KRCC1: variants seen among roughly 807,000 people sequenced by gnomAD.
KRCC1 encodes the protein lysine rich coiled-coil 1, also known as lysine-rich coiled-coil protein 1.
Under a neutral mutation model 7.4 loss-of-function variants are expected in KRCC1, and 3 were observed. The observed-to-expected ratio is 0.40, with a 90% CI of 0.18 to 1.04. The LOEUF (loss-of-function observed/expected upper bound fraction) is 1.04, where lower values mean the gene tolerates loss of function less well. Ranked by LOEUF, KRCC1 falls within the 50% of genes least tolerant of loss-of-function variation. The pLI is 0.33. For missense variants in KRCC1, 277 were observed against 300.9 expected (o/e 0.92, Z 0.59); for synonymous variants, 102 against 101.6 (o/e 1.00, Z -0.02).
chr2:88,028,437 T>C lies in KRCC1; in HGVS notation c.127A>G (p.Thr43Ala), dbSNP rs544035463. The C allele has an allele frequency of 1.1e-5, 18 of 1,614,178 alleles. No homozygotes were observed. The African/African-American group carries it at 2.1e-4, about 19-fold the overall frequency. The change falls in exon 4 of 4, where the codon ACC (threonine) becomes GCC (alanine). Residue 43 changes from threonine to alanine, a missense_variant. Physicochemically the swap from Thr to Ala is moderately conservative, Grantham distance 58. Transcript: ENST00000347055. ...FRKMKGDYLE[T>A]CGYKGEVNSR... ...TTAACCTCTCCTTTGTACCCACAGG[T>C]TTCCAAATAGTCCCCTTTCATCTTT... is the stretch of plus-strand genomic sequence containing the variant.
intron 1 of KRCC1, among the ~76,000 whole-genome samples, chr2:88,039,076 A>G (rs1260487547): frequency 1.3e-5 from 2 of 152,098 alleles, no homozygotes; most frequent in East Asian, 1.9e-4. Context: ...GTGTTAGCTC[A>G]GTATCCACAG....
At chr2:88,046,275 C>A (rs935408334) in intron 1 of KRCC1, among the ~76,000 whole-genome samples, 1 of 152,178 alleles carries the variant, frequency 6.6e-6, no homozygotes, top group African/African-American at 2.4e-5. Flanking sequence ...TAACCCTGGT[C>A]AAGCTTCTTA....
Position 88,027,864 on chromosome 2 carries a change from G to A in KRCC1, c.700C>T (p.Arg234Cys), listed in dbSNP as rs757781692. 9 of 1,611,062 alleles carry A rather than the reference G, an allele frequency of 5.6e-6. No individual in the cohort carries two copies. The Admixed American group carries it at 6.7e-5, about 12-fold the overall frequency. The change falls in exon 4 of 4, where the codon CGT (arginine) becomes TGT (cysteine). Residue 234 changes from arginine (R) to cysteine (C), a missense_variant. By Grantham distance (180) the Arg-to-Cys change is radical (BLOSUM62 -3). Coordinates refer to ENST00000347055, the MANE Select transcript of KRCC1 (RefSeq NM_016618.3). ...DVVSKKEERKRTKKKKEQGQE... is the reference protein window; with the variant it reads ...DVVSKKEERKCTKKKKEQGQE... ...CCTTGTTCCTTTTTCTTTTTTGTAC[G>A]CTTACGTTCCTCTTTCTTAGAGACT...
At position 88,041,718 on chromosome 2, in the gene KRCC1, C is replaced by T. The variant is rs762945124; in HGVS notation, c.-290-4667G>A. Among the ~76,000 whole-genome samples the T allele has an allele frequency of 1.1e-4, 17 of 152,210 alleles. No homozygotes were observed. The Middle Eastern group carries it at 9.6e-3, about 86-fold the overall frequency. On this transcript the variant is annotated intron_variant, in intron 1 of 3. Coordinates refer to ENST00000347055, the MANE Select transcript of KRCC1 (RefSeq NM_016618.3). ...AAATTTTGACATCACCTCTCTTTCA[C>T]TTGCATAGTGATTACTATATATTTA...
At chr2:88,037,718 T>C (rs551588113) in intron 1 of KRCC1, among the ~76,000 whole-genome samples, 12 of 152,306 alleles carry the variant, frequency 7.9e-5, no homozygotes, top group African/African-American at 2.9e-4. Context: ...CCACAGACTA[T>C]CTTAACCTGT....
At chr2:88,043,764 G>T (rs1673267242) in intron 1 of KRCC1, among the ~76,000 whole-genome samples, 1 of 152,156 alleles carries the variant, frequency 6.6e-6, no homozygotes, top group Admixed American at 6.6e-5. Context: ...CTGCCTCCCG[G>T]GTTCAAGCGG....
intron 1 of KRCC1, among the ~76,000 whole-genome samples, chr2:88,054,361 C>T (rs1673565622): frequency 6.6e-6 from 1 of 152,160 alleles, no homozygotes; most frequent in Non-Finnish European, 1.5e-5. Context: ...CCCTGACTTC[C>T]CTTTTAAAAG....
intron 2 of KRCC1, among the ~76,000 whole-genome samples, chr2:88,034,893 T>A (rs894809717): frequency 6.6e-6 from 1 of 152,156 alleles, no homozygotes; most frequent in African/African-American, 2.4e-5. Context: ...ATAAGTGAGA[T>A]CATATGGTAT....
Position 88,028,492 on chromosome 2 carries a change from G to A in KRCC1, c.72C>T (p.Ala24=), listed in dbSNP as rs766186403. The change falls in exon 4 of 4, where the codon GCC becomes GCT. Residue 24 remains alanine (A), a synonymous_variant. Transcript: ENST00000347055. ...AACAAGTCTTTGGCTCTAAGCCTCT[G>A]GCTTTCTGTACTTTAATATAATCTT... ...ELEDYIKVQK[A]RGLEPKTCFR... is the part of the protein sequence containing the mutation. The A allele has an allele frequency of 1.2e-5, 19 of 1,613,426 alleles. No homozygotes were observed. The East Asian group carries it at 2.0e-4, about 17-fold the overall frequency.
intron 3 of KRCC1, among the ~76,000 whole-genome samples, chr2:88,030,742 AG>A (rs1672976359): frequency 6.6e-6 from 1 of 152,232 alleles, no homozygotes; most frequent in African/African-American, 2.4e-5. Context: ...CAGTTTCTTA[AG>A]AAGTTAAACA....
intron 2 of KRCC1, among the ~76,000 whole-genome samples, chr2:88,034,846 T>G (rs1395298650): frequency 6.6e-6 from 1 of 152,132 alleles, no homozygotes; most frequent in Admixed American, 6.5e-5. Flanking sequence ...TAACCACCAT[T>G]CTACTCTCTA....
chr2:88,028,067 T>G lies in KRCC1; in HGVS notation c.497A>C (p.Glu166Ala). Residue 166 changes from glutamate to alanine, a missense_variant, in exon 4 of 4, where the codon GAA becomes GCA. By Grantham distance (107) the Glu-to-Ala change is moderately radical. Coordinates refer to ENST00000347055, the MANE Select transcript of KRCC1 (RefSeq NM_016618.3). ...CTCCTCCTCTGATTTTTCTCTGCCT[T>G]CCTCTGGGTGCCTTTTCCTCTTCTG... The part of the protein sequence containing the change: ...IHQKRKRHPE[E>A]GREKSEEERS... The G allele has an allele frequency of 6.8e-6, 11 of 1,614,206 alleles. No homozygotes were observed. The highest frequency in any genetic ancestry group is 7.6e-6 in the Non-Finnish European group (9 of 1,180,046).
intron 1 of KRCC1, among the ~76,000 whole-genome samples, chr2:88,046,736 T>A (rs942778665): frequency 1.3e-5 from 2 of 152,234 alleles, no homozygotes; most frequent in African/African-American, 2.4e-5. Context: ...AGTGGTGCAA[T>A]CTCGACTCAC....
At chr2:88,038,106 A>C (rs926598366) in intron 1 of KRCC1, among the ~76,000 whole-genome samples, 2 of 152,242 alleles carry the variant, frequency 1.3e-5, no homozygotes, top group Non-Finnish European at 2.9e-5. Context: ...TGTAGAACTC[A>C]ATCAATTGCT....
chr2:88,051,512 A>T (rs1223719666), intron 1 of KRCC1, among the ~76,000 whole-genome samples: 2 of 152,238 alleles, frequency 1.3e-5, no homozygotes, highest in South Asian at 2.1e-4. Flanking sequence ...TACCTAAAAT[A>T]AAAATATATT....
chr2:88,043,816 T>C (rs971728844), intron 1 of KRCC1, among the ~76,000 whole-genome samples: 16 of 152,240 alleles, frequency 1.1e-4, no homozygotes, highest in African/African-American at 3.8e-4. Flanking sequence ...ATTACAGGCA[T>C]GTGCCAGCAA....
intron 1 of KRCC1, among the ~76,000 whole-genome samples, chr2:88,046,294 G>A (rs1490371460): frequency 6.6e-6 from 1 of 152,216 alleles, no homozygotes; most frequent in Non-Finnish European, 1.5e-5. Flanking sequence ...TAACCTCTCC[G>A]CCTTAGGTTC....
In KRCC1 at chr2:88,027,827, G is replaced by A; in HGVS notation, c.737C>T (p.Thr246Ile). 1.2e-6 allele frequency: 2 copies of A among 1,606,084 alleles called. No individual in the cohort carries two copies. Among genetic ancestry groups the A allele is most frequent in the Non-Finnish European group, 1.7e-6 (2 of 1,178,340 alleles). The change falls in exon 4 of 4, where the codon ACA becomes ATA. Residue 246 changes from threonine to isoleucine, a missense_variant. Transcript: ENST00000347055. ...KKKKEQGQER[T>I]EEEMLWDQSI... ...CTGGTCCCAAAGCATTTCCTCCTCT[G>A]TCCTTTCTTGGCCTTGTTCCTTTTT...
intron 1 of KRCC1, among the ~76,000 whole-genome samples, chr2:88,044,383 T>G (rs1406129590): frequency 1.4e-5 from 2 of 139,688 alleles, no homozygotes; most frequent in African/African-American, 5.3e-5. Flanking sequence ...ACCAAGACCT[T>G]GTCTCTACAA....
Sources: gnomAD v4.1 joint callset for allele counts (sites outside exome capture counted in the v4.1 genomes callset) on GRCh38, gnomAD v4.1.1 for gene constraint, MANE v1.5 for transcripts, NCBI Gene and HGNC (gene_info 2026-07-23, HGNC 2026-07-21) for gene names.